The following SPTBN4 variants were observed in gnomAD, a reference collection of about 807,000 sequenced individuals.
The protein encoded by SPTBN4 is spectrin beta, non-erythrocytic 4, also known as spectrin beta chain, non-erythrocytic 4.
A neutral mutation model predicts 277.8 loss-of-function variants in SPTBN4; 96 were observed. That is an observed-to-expected ratio of 0.35 (90% CI 0.29 to 0.41). The LOEUF is 0.41. SPTBN4 is among the 10% of genes least tolerant of loss of function. SPTBN4 has a pLI of 1.00. For synonymous variants in SPTBN4, 1,481 were observed against 1,580.3 expected (o/e 0.94, Z 1.49); for missense variants, 3,006 against 3,595.7 (o/e 0.84, Z 4.19).
chr19:40,523,645 TC>T lies in SPTBN4; in HGVS notation c.3857+10del, dbSNP rs1162909325. On this transcript the variant is annotated splice_region_variant and intron_variant, in intron 17 of 35. Transcript: ENST00000598249. ...GTGACCCGGCTGCTGGAGAAGTAGG[TC>T]CCCTAGACCCATCCACCCCAGGGAG... 6.2e-7 allele frequency: 1 copy of T among 1,606,694 alleles called. No individual in the cohort carries two copies. Among genetic ancestry groups the T allele is most frequent in the African/African-American group, 1.3e-5 (1 of 74,814 alleles).
At chr19:40,500,828 T>C (rs2080255343) in intron 7 of SPTBN4, among the ~76,000 whole-genome samples, 2 of 147,826 alleles carry the variant, frequency 1.4e-5, no homozygotes, top group South Asian at 2.1e-4. Flanking sequence ...GCCTGGGCAA[T>C]AGCTTGAGAC....
chr19:40,492,005 A>G (rs2145831183), intron 4 of SPTBN4, among the ~76,000 whole-genome samples: 1 of 151,866 alleles, frequency 6.6e-6, no homozygotes, highest in East Asian at 1.9e-4. Flanking sequence ...CTGGGCAACA[A>G]GAGTGAAACT....
At chr19:40,489,112 C>T (rs1028578617) in intron 3 of SPTBN4, among the ~76,000 whole-genome samples, 1 of 150,750 alleles carries the variant, frequency 6.6e-6, no homozygotes, top group Non-Finnish European at 1.5e-5. Flanking sequence ...GCAGGAGAAT[C>T]GCTTGAACCC....
At chr19:40,565,596 C>A in intron 28 of SPTBN4, 35 bp downstream of exon 28, 2 of 1,598,984 alleles carry the variant, frequency 1.3e-6, no homozygotes, top group Non-Finnish European at 8.5e-7. Flanking sequence ...CTCTGCCACC[C>A]GGGCACATTG....
At chr19:40,483,874 C>T (rs2080039738) in intron 2 of SPTBN4, among the ~76,000 whole-genome samples, 1 of 152,188 alleles carries the variant, frequency 6.6e-6, no homozygotes, top group African/African-American at 2.4e-5. Flanking sequence ...GTCATCTCCC[C>T]TCTCGGGACC....
intron 2 of SPTBN4, among the ~76,000 whole-genome samples, chr19:40,476,156 C>T (rs2079945030): frequency 6.6e-6 from 1 of 151,954 alleles, no homozygotes; most frequent in South Asian, 2.1e-4. Flanking sequence ...ACCAGCCTGG[C>T]CAGCACGGCA....
chr19:40,497,097 A>G lies in SPTBN4; in HGVS notation c.669-392A>G, dbSNP rs904487427. Among the ~76,000 whole-genome samples, 4 of 145,406 alleles carry G rather than the reference A, an allele frequency of 2.8e-5. No homozygotes were observed. In the East Asian group the frequency reaches 8.1e-4, roughly 29 times the overall value. On this transcript the variant is annotated intron_variant, in intron 6 of 35. Coordinates refer to ENST00000598249, the MANE Select transcript of SPTBN4 (RefSeq NM_020971.3). Reference sequence around the variant, plus strand: ...CAAAAAAAAAAAAAAAAAAAAAAAGAGGTACATGTGTCCTCACACAACACA... The same window carrying G: ...CAAAAAAAAAAAAAAAAAAAAAAAGGGGTACATGTGTCCTCACACAACACA...
rs369609149 is a variant in SPTBN4, at chr19:40,519,745, C to A, written c.3248C>A (p.Ala1083Glu). Residue 1083 changes from alanine to glutamate, a missense_variant, in exon 16 of 36, where the codon GCG becomes GAG. Physicochemically the swap from Ala to Glu is moderately radical, Grantham distance 107 (BLOSUM62 -1). Transcript: ENST00000598249. The surrounding 1 kb of genome is among the most constrained non-coding windows in gnomAD (Gnocchi z 5.7). ...LASAAQACGE[A>E]VAAAGRLQRF... The stretch of plus-strand genomic sequence containing the variant: ...AGCGCGGCTCAGGCCTGCGGCGAGG[C>A]GGTGGCGGCAGCAGGGCGCCTGCAG... 6 of 1,403,366 alleles carry A rather than the reference C, an allele frequency of 4.3e-6. No individual in the cohort carries two copies. The highest frequency in any genetic ancestry group is 5.5e-6 in the Non-Finnish European group (6 of 1,090,730). 86.9% of individuals were successfully genotyped at this position (1,403,366 alleles called of 1,614,324 possible).
chr19:40,529,609 A>G (rs900385128), intron 18 of SPTBN4, among the ~76,000 whole-genome samples: 1 of 152,096 alleles, frequency 6.6e-6, no homozygotes, highest in African/African-American at 2.4e-5. Context: ...TGATCTGCAC[A>G]CATTAGGGAC....
In SPTBN4 at chr19:40,506,314, G is replaced by C. The variant is rs1331187108; in HGVS notation, c.1744G>C (p.Gly582Arg). 1.2e-6 allele frequency: 2 copies of C among 1,613,964 alleles called. No homozygotes were observed. Among genetic ancestry groups the C allele is most frequent in the Admixed American group, 1.7e-5 (1 of 60,004 alleles). ...DLLQKHGLLE[G>R]DIAAQSERVE... ...GTTGCAGAAGCATGGACTGCTGGAG[G>C]GAGACATTGCCGCCCAGAGCGAGCG... Residue 582 changes from glycine to arginine, a missense_variant, in exon 13 of 36, where the codon GGA becomes CGA. Physicochemically the swap from Gly to Arg is moderately radical, Grantham distance 125. Coordinates refer to ENST00000598249, the MANE Select transcript of SPTBN4 (RefSeq NM_020971.3).
chr19:40,511,690 G>T (rs2080392881), intron 13 of SPTBN4, among the ~76,000 whole-genome samples: 1 of 152,178 alleles, frequency 6.6e-6, no homozygotes. Context: ...ATTGCTTGAG[G>T]CCAGCCGTTC....
Position 40,512,824 on chromosome 19 carries a change from G to C in SPTBN4, c.2035G>C (p.Ala679Pro), listed in dbSNP as rs367970226. The stretch of plus-strand genomic sequence containing the variant: ...GGGCGGCGGCGGTGCGGCGGGCGCA[G>C]CGGGCGCAGCGGGAACAGCGGGCGG... ...AAGGGGAAGA[A>P]GAAGTAGGAH... Residue 679 changes from alanine to proline, a missense_variant, in exon 14 of 36, where the codon GCG becomes CCG. Transcript: ENST00000598249. 4.1e-6 allele frequency: 6 copies of C among 1,449,760 alleles called. No homozygotes were observed. The African/African-American group carries it at 9.0e-5, about 22-fold the overall frequency. 89.8% of individuals were successfully genotyped at this position (1,449,760 alleles called of 1,614,324 possible). A position where few individuals can be genotyped will look rare whatever the true frequency, so the allele number is the denominator to read the frequency against.
intron 21 of SPTBN4, among the ~76,000 whole-genome samples, chr19:40,550,029 G>C (rs2080899631): frequency 6.6e-6 from 1 of 152,044 alleles, no homozygotes; most frequent in African/African-American, 2.4e-5. Flanking sequence ...CCAGCTACAT[G>C]GGAGGCTGAG....
intron 17 of SPTBN4, among the ~76,000 whole-genome samples, chr19:40,528,660 T>A (rs552902047): frequency 7.9e-5 from 12 of 152,258 alleles, no homozygotes; most frequent in African/African-American, 2.6e-4. Flanking sequence ...CGTCTTTTTT[T>A]ATTCTCTCTC....
In SPTBN4 at chr19:40,519,876, G is replaced by A; in HGVS notation, c.3379G>A (p.Ala1127Thr). ...GCCCAACAGCCTAGAAGAGGCGGAC[G>A]CGCTGCTGGCGCGCCACGCTGCGCT... ...PLPNSLEEAD[A>T]LLARHAALKE... is the part of the protein sequence containing the mutation. Residue 1127 changes from alanine (A) to threonine (T), a missense_variant, in exon 16 of 36, where the codon GCG (alanine) becomes ACG (threonine). Physicochemically the swap from Ala to Thr is moderately conservative, Grantham distance 58. This residue lies in a region of SPTBN4 where 1,759 missense variants were observed against 2,061.5 expected (regional missense o/e 0.85). Transcript: ENST00000598249. The surrounding 1 kb of genome is among the most constrained non-coding windows in gnomAD (Gnocchi z 5.7). 2.0e-6 allele frequency: 3 copies of A among 1,503,172 alleles called. No individual in the cohort carries two copies. The highest frequency in any genetic ancestry group is 2.6e-6 in the Non-Finnish European group (3 of 1,136,428). The allele number at this position is 1,503,172 out of a possible 1,614,324, so 93.1% of individuals were successfully genotyped here. A position where few individuals can be genotyped will look rare whatever the true frequency, so the allele number is the denominator to read the frequency against.
chr19:40,512,468 G>C (rs2145864014), intron 13 of SPTBN4, 138 bp from the exon 14 acceptor site: 2 of 1,160,358 alleles, frequency 1.7e-6, no homozygotes, highest in Non-Finnish European at 2.3e-6. Flanking sequence ...TGTCAGGGAA[G>C]GCTGCCTGGA....
intron 33 of SPTBN4, 76 bp from the exon 34 acceptor site, chr19:40,571,943 G>A: frequency 6.8e-7 from 1 of 1,465,578 alleles, no homozygotes; most frequent in Non-Finnish European, 9.1e-7. Context: ...GACATATTCA[G>A]ACCTTGAGGA....
intron 7 of SPTBN4, among the ~76,000 whole-genome samples, chr19:40,501,342 G>A (rs528618687): frequency 3.6e-4 from 55 of 152,228 alleles, no homozygotes; most frequent in African/African-American, 1.3e-3. Context: ...ACATGCAAAG[G>A]CCCTGAGGTG....
chr19:40,481,029 G>C (rs1203253289), intron 2 of SPTBN4, among the ~76,000 whole-genome samples: 1 of 152,034 alleles, frequency 6.6e-6, no homozygotes, highest in African/African-American at 2.4e-5. Flanking sequence ...AGTGCCACTG[G>C]ACTCTAGCCT....
Sources: allele counts gnomAD v4.1 joint callset (sites outside exome capture counted in the v4.1 genomes callset), GRCh38; gene constraint gnomAD v4.1.1; regional missense constraint gnomAD v4.1.1; non-coding constraint Gnocchi (gnomAD v3.1); transcripts MANE v1.5; gene names NCBI Gene and HGNC (gene_info 2026-07-23, HGNC 2026-07-21).